Variants in ZNF571 observed in about 807,000 individuals in gnomAD.
The protein encoded by ZNF571 is zinc finger protein 571.
Under a neutral mutation model 7.7 loss-of-function variants are expected in ZNF571, and 4 were observed. That is an observed-to-expected ratio of 0.52 (90% CI 0.25 to 1.18). ZNF571 has a LOEUF of 1.18. Ranked by LOEUF, ZNF571 falls within the 50% of genes most tolerant of loss-of-function variation. The pLI is 0.14. For synonymous variants in ZNF571, 251 were observed against 232.4 expected, an observed-to-expected ratio of 1.08 and a Z score of -0.73; for missense variants, 704 against 726.9, an observed-to-expected ratio of 0.97 and a Z score of 0.36.
intron 2 of ZNF571, among the ~76,000 whole-genome samples, chr19:37,584,927 G>A (rs560076150): frequency 1.4e-5 from 2 of 145,444 alleles, no homozygotes; most frequent in South Asian, 4.3e-4. Context: ...TTGCGCCACT[G>A]CACTCCCGCC....
chr19:37,569,015 C>T lies in ZNF571; in HGVS notation c.137-2724G>A, dbSNP rs541101215. Among the ~76,000 whole-genome samples the T allele has an allele frequency of 6.6e-6, 1 of 151,470 alleles. No homozygotes were observed. The highest frequency in any genetic ancestry group is 1.5e-5 in the Non-Finnish European group (1 of 67,836). On this transcript the variant is annotated intron_variant, in intron 3 of 3. Coordinates refer to ENST00000451802, the MANE Select transcript of ZNF571 (RefSeq NM_016536.5). This position sits in a 1 kb window ranked among gnomAD's most constrained non-coding sequence, Gnocchi z 4.4. ...TCTGTCATCCAGGCTGGAGTGCAGT[C>T]GTGCCATCTCAGCTCACTGCAACCT...
chr19:37,577,755 G>A (rs2043292728), intron 3 of ZNF571, among the ~76,000 whole-genome samples: 1 of 152,204 alleles, frequency 6.6e-6, no homozygotes, highest in Non-Finnish European at 1.5e-5. Flanking sequence ...AAATTTAAAT[G>A]TAACTCTAGG....
At chr19:37,593,373 CA>C (rs1180426247) in intron 1 of ZNF571, among the ~76,000 whole-genome samples, 1 of 152,146 alleles carries the variant, frequency 6.6e-6, no homozygotes, top group Non-Finnish European at 1.5e-5. Flanking sequence ...TAAAACTCTT[CA>C]AATTTCCCCC....
Position 37,584,003 on chromosome 19 carries a change from A to G in ZNF571, c.104T>C (p.Met35Thr). The G allele has an allele frequency of 2.5e-6, 4 of 1,612,984 alleles. No individual in the cohort carries two copies. Among genetic ancestry groups the G allele is most frequent in the Non-Finnish European group, 3.4e-6 (4 of 1,179,418 alleles). ...GATCAGGTTGCTGTAGTTCTCCAAC[A>G]TCACATCCCTGTACAAGTCCCTCTG... Reference protein sequence around the residue: ...PAQRDLYRDVMLENYSNLISL... With the variant: ...PAQRDLYRDVTLENYSNLISL... Residue 35 changes from methionine to threonine, a missense_variant, in exon 3 of 4, where the codon ATG becomes ACG. Met to Thr is a moderately conservative substitution (Grantham distance 81). Transcript: ENST00000451802.
rs147115017 is a variant in ZNF571 at position 37,586,352 on chromosome 19, A to G, written c.9+316T>C. 1,678 of 306,042 alleles carry G rather than the reference A, an allele frequency of 5.5e-3. 44 individuals carry two copies. The highest frequency in any genetic ancestry group is 0.042 in the Admixed American group (833 of 19,844). The allele number at this position is 306,042 out of a possible 1,614,324, so 19.0% of individuals were successfully genotyped here. ...GTATCACATTTAAACACTCATCTCT[A>G]CCTCACCAAACCGTGGTACTAATGT... is the stretch of plus-strand genomic sequence containing the variant. On this transcript the variant is annotated intron_variant, in intron 2 of 3. Coordinates refer to ENST00000451802, the MANE Select transcript of ZNF571 (RefSeq NM_016536.5).
rs1174636067 is a variant in ZNF571, at chr19:37,565,302, A to T, written c.1126T>A (p.Ser376Thr). 1.4e-5 allele frequency: 23 copies of T among 1,611,100 alleles called. No homozygotes were observed. The highest frequency in any genetic ancestry group is 1.8e-5 in the Non-Finnish European group (21 of 1,178,642). Residue 376 changes from serine (S) to threonine (T), a missense_variant, in exon 4 of 4, where the codon TCA becomes ACA. By Grantham distance (58) the Ser-to-Thr change is moderately conservative (BLOSUM62 1). Coordinates refer to ENST00000451802, the MANE Select transcript of ZNF571 (RefSeq NM_016536.5). ...KECGKTFFRG[S>T]QLTYHLRVHS... Reference sequence around the variant, plus strand: ...ACTCTCAGGTGGTAAGTAAGTTGTGAGCCACGAAAAAAGGTCTTCCCGCAT... The same window carrying T: ...ACTCTCAGGTGGTAAGTAAGTTGTGTGCCACGAAAAAAGGTCTTCCCGCAT...
intron 2 of ZNF571, chr19:37,585,735 C>A (rs1393856117): frequency 6.6e-6 from 1 of 152,136 alleles, no homozygotes; most frequent in Non-Finnish European, 1.5e-5. Context: ...CGTTACAAAA[C>A]CTATGTATAC....
chr19:37,565,330 T>C lies in ZNF571; in HGVS notation c.1098A>G (p.Lys366=), dbSNP rs1420472273. 4 of 1,612,466 alleles carry C rather than the reference T, an allele frequency of 2.5e-6. No homozygotes were observed. The East Asian group carries it at 6.7e-5, about 27-fold the overall frequency. The stretch of plus-strand genomic sequence containing the variant: ...CACGAAAAAAGGTCTTCCCGCATTC[T>C]TTACATTCATAGGGTTTCTCTCCTG... The part of the protein sequence containing the change: ...IHTGEKPYEC[K]ECGKTFFRGS... The change falls in exon 4 of 4, where the codon AAA becomes AAG. Residue 366 remains lysine (K), a synonymous_variant. Coordinates refer to ENST00000451802, the MANE Select transcript of ZNF571 (RefSeq NM_016536.5).
At position 37,582,706 on chromosome 19, in the gene ZNF571, T is replaced by G. The variant is rs1315950345; in HGVS notation, c.136+1265A>C. Among the ~76,000 whole-genome samples, 5 of 152,214 alleles carry G rather than the reference T, an allele frequency of 3.3e-5. No individual in the cohort carries two copies. The East Asian group carries it at 9.6e-4, about 29-fold the overall frequency. On this transcript the variant is annotated intron_variant, in intron 3 of 3. Transcript: ENST00000451802. ...CCAGCCTTCCAAACCCTGATGCCTCTATTGCCAATCTTCAAAATAACTCCA... is the reference window on the plus strand; with the variant it reads ...CCAGCCTTCCAAACCCTGATGCCTCGATTGCCAATCTTCAAAATAACTCCA...
Position 37,564,481 on chromosome 19 carries a change from G to A in ZNF571, c.*117C>T. ...GTTTCTGAAATTATTCTGCATCCAT[G>A]TTAATGTAGGCCTTCTAAGAATGAG... is the stretch of plus-strand genomic sequence containing the variant. On this transcript the variant is annotated 3_prime_UTR_variant, in exon 4 of 4. Coordinates refer to ENST00000451802, the MANE Select transcript of ZNF571 (RefSeq NM_016536.5). The A allele has an allele frequency of 1.1e-6, 1 of 880,680 alleles. No homozygotes were observed. The highest frequency in any genetic ancestry group is 1.6e-6 in the Non-Finnish European group (1 of 626,054). 54.6% of individuals were successfully genotyped at this position (880,680 alleles called of 1,614,324 possible). A position where few individuals can be genotyped will look rare whatever the true frequency, so the allele number is the denominator to read the frequency against.
At chr19:37,581,117 G>A (rs1211270728) in intron 3 of ZNF571, among the ~76,000 whole-genome samples, 5 of 152,126 alleles carry the variant, frequency 3.3e-5, no homozygotes, top group East Asian at 1.9e-4. Context: ...GCCTTAAAAC[G>A]TGAGACCCCC....
rs1441948276 is a variant in ZNF571, at chr19:37,569,618, T to C, written c.137-3327A>G. On this transcript the variant is annotated intron_variant, in intron 3 of 3. Coordinates refer to ENST00000451802, the MANE Select transcript of ZNF571 (RefSeq NM_016536.5). This position sits in a 1 kb window ranked among gnomAD's most constrained non-coding sequence, Gnocchi z 4.4. ...CAAGTGCTGCTTATAACCTACTAGG[T>C]TGTATTCATAACCTCTAGCAGGTTC... is the stretch of plus-strand genomic sequence containing the variant. Among the ~76,000 whole-genome samples, 1 of 152,166 alleles carries C rather than the reference T, an allele frequency of 6.6e-6. No homozygotes were observed. Among genetic ancestry groups the C allele is most frequent in the Non-Finnish European group, 1.5e-5 (1 of 68,040 alleles).
chr19:37,568,731 CTT>C (rs761923886), intron 3 of ZNF571, among the ~76,000 whole-genome samples: 1 of 151,934 alleles, frequency 6.6e-6, no homozygotes, highest in African/African-American at 2.4e-5. Flanking sequence ...AGTAGCAGCT[CTT>C]TTTATTGTCA....
rs371497383 is a variant in ZNF571, at chr19:37,565,535, T to C, written c.893A>G (p.Gln298Arg). Residue 298 changes from glutamine to arginine, a missense_variant, in exon 4 of 4, where the codon CAG becomes CGG. Transcript: ENST00000451802. ...FILGSQLTYH[Q>R]RIHSGEKPYE... The stretch of plus-strand genomic sequence containing the variant: ...AGGTTTCTCACCACTATGAATTCTC[T>C]GATGGTAAGTAAGTTGAGAGCCAAG... The C allele has an allele frequency of 7.4e-6, 12 of 1,613,704 alleles. No homozygotes were observed. The highest frequency in any genetic ancestry group is 5.3e-5 in the African/African-American group (4 of 74,886).
intron 1 of ZNF571, among the ~76,000 whole-genome samples, chr19:37,589,342 C>G (rs1053626455): frequency 6.6e-6 from 1 of 150,998 alleles, no homozygotes; most frequent in Non-Finnish European, 1.5e-5. Context: ...AAAGAATACA[C>G]AGACAAATGA....
At chr19:37,593,287 A>C (rs2043921257) in intron 1 of ZNF571, among the ~76,000 whole-genome samples, 1 of 152,256 alleles carries the variant, frequency 6.6e-6, no homozygotes, top group Non-Finnish European at 1.5e-5. Context: ...TTTTAATTAC[A>C]GCTAGGTGTT....
intron 3 of ZNF571, among the ~76,000 whole-genome samples, chr19:37,577,624 ACT>A (rs1367087229): frequency 6.6e-6 from 1 of 152,206 alleles, no homozygotes; most frequent in African/African-American, 2.4e-5. Context: ...CCACAGACTA[ACT>A]CATATATGTA....
intron 3 of ZNF571, among the ~76,000 whole-genome samples, chr19:37,581,268 T>C (rs977892080): frequency 6.6e-6 from 1 of 152,196 alleles, no homozygotes; most frequent in Non-Finnish European, 1.5e-5. Flanking sequence ...TAGATTAGTC[T>C]CTTTTTAATA....
rs2043685766 is a variant in ZNF571 at position 37,586,687 on chromosome 19, A to G, written c.-11T>C. The stretch of plus-strand genomic sequence containing the variant: ...ACTCACGTGGGGCATGGTTTTTTAG[A>G]ACTGATCAATTTTCTGGGTTCTTCT... On this transcript the variant is annotated 5_prime_UTR_variant, in exon 2 of 4. Transcript: ENST00000451802. 3 of 1,614,124 alleles carry G rather than the reference A, an allele frequency of 1.9e-6. No homozygotes were observed. The highest frequency in any genetic ancestry group is 1.7e-4 in the Middle Eastern group (1 of 6,060).
Sources: gnomAD v4.1 joint callset for allele counts (sites outside exome capture counted in the v4.1 genomes callset) on GRCh38, gnomAD v4.1.1 for gene constraint, Gnocchi (gnomAD v3.1) non-coding constraint, MANE v1.5 for transcripts, NCBI Gene and HGNC (gene_info 2026-07-23, HGNC 2026-07-21) for gene names.